SLIT2: variants seen among roughly 807,000 people sequenced by gnomAD.
SLIT2 encodes slit guidance ligand 2.
SLIT2 carries 41 observed loss-of-function variants against 185.7 expected under a neutral mutation model. The ratio of observed to expected loss-of-function variants is 0.22; its 90% CI spans 0.17 to 0.29. The LOEUF is 0.29. Ranked by LOEUF, SLIT2 falls within the 10% of genes least tolerant of loss-of-function variation. The pLI, the probability that SLIT2 is intolerant of heterozygous loss-of-function variation, is 1.00. For missense variants in SLIT2, 1,571 were observed against 1,909.0 expected (o/e 0.82, Z 3.30); for synonymous variants, 693 against 680.2 (o/e 1.02, Z -0.29).
At chr4:20,333,211 A>C (rs923627491) in intron 4 of SLIT2, among the ~76,000 whole-genome samples, 1 of 152,130 alleles carries the variant, frequency 6.6e-6, no homozygotes, top group Non-Finnish European at 1.5e-5. Flanking sequence ...GGGGAAAAAA[A>C]TTCAATGGAC....
chr4:20,282,033 C>G (rs1714825422), intron 4 of SLIT2, among the ~76,000 whole-genome samples: 1 of 152,148 alleles, frequency 6.6e-6, no homozygotes, highest in South Asian at 2.1e-4. Flanking sequence ...TCTGATTCAT[C>G]AGAACCTTTC....
At chr4:20,364,812 A>C (rs1025280271) in intron 4 of SLIT2, among the ~76,000 whole-genome samples, 1 of 152,182 alleles carries the variant, frequency 6.6e-6, no homozygotes, top group Non-Finnish European at 1.5e-5. Flanking sequence ...TCACAAAACC[A>C]GTATTAATTG....
chr4:20,367,184 C>A (rs184139298), intron 4 of SLIT2, among the ~76,000 whole-genome samples: 10 of 152,070 alleles, frequency 6.6e-5, no homozygotes, highest in Non-Finnish European at 1.0e-4. Flanking sequence ...AAATCATATT[C>A]AAAAAATGCA....
chr4:20,571,547 G>A (rs754788150), intron 29 of SLIT2, among the ~76,000 whole-genome samples: 1 of 152,112 alleles, frequency 6.6e-6, no homozygotes, highest in Non-Finnish European at 1.5e-5. Context: ...TTAATTATGG[G>A]GAAGTATGAA....
At chr4:20,308,172 A>T (rs958344007) in intron 4 of SLIT2, among the ~76,000 whole-genome samples, 14 of 152,128 alleles carry the variant, frequency 9.2e-5, no homozygotes, top group Admixed American at 4.6e-4. Flanking sequence ...GCCTTGAGGG[A>T]TTAGCAGTTC....
At chr4:20,446,379 G>A (rs906566978) in intron 4 of SLIT2, among the ~76,000 whole-genome samples, 1 of 152,296 alleles carries the variant, frequency 6.6e-6, no homozygotes, top group East Asian at 1.9e-4. Context: ...AAAATGGGGA[G>A]TAAGTCTGAG....
chr4:20,259,653 C>G (rs1196932312), intron 3 of SLIT2, among the ~76,000 whole-genome samples: 1 of 151,784 alleles, frequency 6.6e-6, no homozygotes, highest in Admixed American at 6.6e-5. Context: ...ATGCTATATG[C>G]TCTGAAATTT....
intron 30 of SLIT2, among the ~76,000 whole-genome samples, chr4:20,594,217 A>G (rs776904655): frequency 1.3e-4 from 19 of 150,200 alleles, no homozygotes; most frequent in Admixed American, 3.3e-4. Flanking sequence ...GTGTGTATAT[A>G]TGTATATGTA....
chr4:20,567,399 A>G lies in SLIT2; in HGVS notation c.2850+13A>G, dbSNP rs1483956538. 6.2e-7 allele frequency: 1 copy of G among 1,612,928 alleles called. No individual in the cohort carries two copies. Among genetic ancestry groups the G allele is most frequent in the Non-Finnish European group, 8.5e-7 (1 of 1,179,342 alleles). On this transcript the variant is annotated intron_variant, in intron 27 of 36. Coordinates refer to ENST00000504154, the MANE Select transcript of SLIT2 (RefSeq NM_004787.4). The stretch of plus-strand genomic sequence containing the variant: ...ATATGGTTTCAAGGTAAGTAAAAGC[A>G]CTTTAAGAGTCACAGTTTGAGAGCA...
chr4:20,541,368 G>A (rs184342689), intron 19 of SLIT2, 85 bp from the exon 20 acceptor site: 8 of 1,128,956 alleles, frequency 7.1e-6, no homozygotes, highest in Non-Finnish European at 1.0e-5. Flanking sequence ...AGCGGAAATA[G>A]CGTGGAGAAG....
intron 4 of SLIT2, among the ~76,000 whole-genome samples, chr4:20,333,154 T>C (rs994913277): frequency 1.8e-4 from 27 of 152,126 alleles, no homozygotes; most frequent in Admixed American, 1.6e-3. Flanking sequence ...TTATACATAT[T>C]GAAATGAAAG....
intron 33 of SLIT2, among the ~76,000 whole-genome samples, chr4:20,600,412 C>CTTTTTTTTTTTTTTTTTT (rs1560230010): frequency 8.0e-6 from 1 of 125,632 alleles, no homozygotes; most frequent in African/African-American, 3.4e-5. Context: ...TATTATGTTG[C>CTTTTTTTTTTTTTTTTTT]ATTTTTTTTT....
rs1249444752 is a variant in SLIT2 at position 20,528,193 on chromosome 4, A to G, written c.1463-756A>G. ...GAATGCATGTCATGTAAACAGTATTACGTTTCCAGAACGTCTGTAGCTTTT... is the reference window on the plus strand; with the variant it reads ...GAATGCATGTCATGTAAACAGTATTGCGTTTCCAGAACGTCTGTAGCTTTT... On this transcript the variant is annotated intron_variant, in intron 15 of 36. Transcript: ENST00000504154. The surrounding 1 kb of genome is among the most constrained non-coding windows in gnomAD (Gnocchi z 4.2). 10 of 521,526 alleles carry G rather than the reference A, an allele frequency of 1.9e-5. No individual in the cohort carries two copies. The highest frequency in any genetic ancestry group is 3.9e-5 in the African/African-American group (2 of 51,744). 32.3% of individuals were successfully genotyped at this position (521,526 alleles called of 1,614,324 possible).
In SLIT2 at chr4:20,470,975, C is replaced by A. The variant is rs148196643; in HGVS notation, c.467+3152C>A. ...TATTGTGGCATCTACATTATTTCAA[C>A]TTTGGAAGCTTATGTTTCTACAGAA... On this transcript the variant is annotated intron_variant, in intron 5 of 36. Coordinates refer to ENST00000504154, the MANE Select transcript of SLIT2 (RefSeq NM_004787.4). Among the ~76,000 whole-genome samples, 374 of 152,244 alleles carry A rather than the reference C, an allele frequency of 2.5e-3. 1 individual carries two copies. Among genetic ancestry groups the A allele is most frequent in the African/African-American group, 8.5e-3 (353 of 41,552 alleles).
rs1271279922 is a variant in SLIT2, at chr4:20,518,557, G to GTGTATATATATATATATATATATATATA, written c.1059-824_1059-823insGTATATATATATATATATATATATATAT. On this transcript the variant is annotated intron_variant, in intron 11 of 36. Coordinates refer to ENST00000504154, the MANE Select transcript of SLIT2 (RefSeq NM_004787.4). Reference sequence around the variant, plus strand: ...ATGAGCCACTGTGCCCAGCCTATATGTATATATATATATATATATATATAT... The same window carrying GTGTATATATATATATATATATATATATA: ...ATGAGCCACTGTGCCCAGCCTATATGTGTATATATATATATATATATATATATATATATATATATATATATATATATAT... Among the ~76,000 whole-genome samples the GTGTATATATATATATATATATATATATA allele has an allele frequency of 5.6e-4, 10 of 17,860 alleles. 2 individuals are homozygous for GTGTATATATATATATATATATATATATA. The highest frequency in any genetic ancestry group is 2.1e-3 in the Admixed American group (2 of 954). 11.7% of individuals were successfully genotyped at this position (17,860 alleles called of 152,430 possible).
At chr4:20,585,364 A>G (rs1449717883) in intron 29 of SLIT2, among the ~76,000 whole-genome samples, 1 of 152,210 alleles carries the variant, frequency 6.6e-6, no homozygotes, top group Admixed American at 6.5e-5. Context: ...TCATAAGGAA[A>G]ATTAATTTGC....
chr4:20,527,581 G>C (rs533671331), intron 15 of SLIT2, among the ~76,000 whole-genome samples: 1 of 152,054 alleles, frequency 6.6e-6, no homozygotes, highest in Non-Finnish European at 1.5e-5. Flanking sequence ...CACCACACCC[G>C]GCCTTGAGAG....
chr4:20,277,732 T>TC (rs1460000994), intron 4 of SLIT2, among the ~76,000 whole-genome samples: 23 of 147,560 alleles, frequency 1.6e-4, no homozygotes, highest in East Asian at 1.0e-3. Context: ...TGATGAAAGA[T>TC]TTTCATCATG....
intron 4 of SLIT2, among the ~76,000 whole-genome samples, chr4:20,275,457 A>G (rs1399304449): frequency 1.3e-5 from 2 of 152,188 alleles, no homozygotes; most frequent in Admixed American, 1.3e-4. Context: ...AACTATAATT[A>G]TATTATTGTC....
Sources: gnomAD v4.1 joint callset for allele counts (sites outside exome capture counted in the v4.1 genomes callset) on GRCh38, gnomAD v4.1.1 for gene constraint, Gnocchi (gnomAD v3.1) non-coding constraint, MANE v1.5 for transcripts, NCBI Gene and HGNC (gene_info 2026-07-23, HGNC 2026-07-21) for gene names.